ABI2: variants seen among roughly 807,000 people sequenced by gnomAD.
ABI2 encodes the protein abl interactor 2, also known as abelson interactor 2.
Under a neutral mutation model 59.2 loss-of-function variants are expected in ABI2, and 25 were observed. The ratio of observed to expected loss-of-function variants is 0.42; its 90% CI spans 0.31 to 0.59. The LOEUF (loss-of-function observed/expected upper bound fraction) is 0.59. Ranked by LOEUF, ABI2 falls within the 20% of genes least tolerant of loss-of-function variation. The probability of loss-of-function intolerance (pLI) is 0.14; values close to 1 mark genes in which losing one functional copy is unlikely to be tolerated. For missense variants in ABI2, 545 were observed against 681.8 expected (o/e 0.80, Z 2.23); for synonymous variants, 213 against 235.5 (o/e 0.90, Z 0.87).
chr2:203,387,094 C>T (rs775324577), intron 4 of ABI2, among the ~76,000 whole-genome samples: 123 of 104,750 alleles, frequency 1.2e-3, no homozygotes, highest in Admixed American at 1.4e-3. Context: ...TGCCTTTACT[C>T]TTGTACCTAG....
chr2:203,347,435 A>G (rs1413992434), intron 1 of ABI2, among the ~76,000 whole-genome samples: 1 of 152,224 alleles, frequency 6.6e-6, no homozygotes, highest in Non-Finnish European at 1.5e-5. Flanking sequence ...TTGTAATCCC[A>G]TAATGGACAT....
chr2:203,334,810 G>A (rs896305138), intron 1 of ABI2, among the ~76,000 whole-genome samples: 3 of 151,962 alleles, frequency 2.0e-5, no homozygotes, highest in Non-Finnish European at 4.4e-5. Context: ...ACAGGTGCAC[G>A]CCACCACGCC....
At chr2:203,341,169 ACT>A (rs2079682956) in intron 1 of ABI2, among the ~76,000 whole-genome samples, 2 of 151,150 alleles carry the variant, frequency 1.3e-5, no homozygotes, top group African/African-American at 4.9e-5. Context: ...CCCCTTGCTC[ACT>A]CTCCCTTTGC....
intron 10 of ABI2, 138 bp downstream of exon 10, chr2:203,411,509 G>A (rs1322115311): frequency 1.9e-5 from 13 of 682,404 alleles, no homozygotes; most frequent in Non-Finnish European, 3.2e-5. Context: ...CTGGCTAGTG[G>A]AGATAAAATA....
chr2:203,331,348 C>CTTTTTTTTTT lies in ABI2; in HGVS notation c.117+2728_117+2737dup, dbSNP rs201209202. On this transcript the variant is annotated intron_variant, in intron 1 of 11. Transcript: ENST00000261018. ...TCAGTGATCAAATGGTCAATTTAGCCTTTTTTTTTTTTTTTTTTTTCTGAG... is the reference window on the plus strand; with the variant it reads ...TCAGTGATCAAATGGTCAATTTAGCCTTTTTTTTTTTTTTTTTTTTTTTTTTTTTTCTGAG... 2.2e-3 allele frequency among the ~76,000 whole-genome samples: 191 copies of CTTTTTTTTTT among 85,298 alleles called. 5 individuals are homozygous for CTTTTTTTTTT. The highest frequency in any genetic ancestry group is 5.6e-3 in the East Asian group (14 of 2,522). 56.0% of individuals were successfully genotyped at this position (85,298 alleles called of 152,430 possible). A position where few individuals can be genotyped will look rare whatever the true frequency, so the allele number is the denominator to read the frequency against.
intron 1 of ABI2, among the ~76,000 whole-genome samples, chr2:203,366,042 T>C (rs2094405443): frequency 6.6e-6 from 1 of 152,228 alleles, no homozygotes. Context: ...TTTTTCATGT[T>C]CATATGTAAA....
At chr2:203,330,721 G>T (rs2072690502) in intron 1 of ABI2, among the ~76,000 whole-genome samples, 1 of 152,114 alleles carries the variant, frequency 6.6e-6, no homozygotes, top group Non-Finnish European at 1.5e-5. Context: ...TGGAAAAGTG[G>T]ATTGCAATTA....
At position 203,402,571 on chromosome 2, in the gene ABI2, T is replaced by C; in HGVS notation, c.1034-5T>C. The C allele has an allele frequency of 1.4e-6, 2 of 1,475,556 alleles. No individual in the cohort carries two copies. Among genetic ancestry groups the C allele is most frequent in the Non-Finnish European group, 1.8e-6 (2 of 1,112,286 alleles). The allele number at this position is 1,475,556 out of a possible 1,614,324, so 91.4% of individuals were successfully genotyped here. A position where few individuals can be genotyped will look rare whatever the true frequency, so the allele number is the denominator to read the frequency against. The stretch of plus-strand genomic sequence containing the variant: ...TGACATATGTATGTTCTATCTCTTT[T>C]TCAGGTCATCCTGTACAGTTCTACA... On this transcript the variant is annotated splice_region_variant and splice_polypyrimidine_tract_variant and intron_variant, in intron 8 of 11. Coordinates refer to ENST00000261018, the MANE Select transcript of ABI2 (RefSeq NM_001375670.1).
rs1483253782 is a variant in ABI2, at chr2:203,429,900, G to C, written c.*2548G>C. ...TGGGGGCAGTGCAGAAGACACTGGT[G>C]AAGTCCTTTATACTGAAGACCTGTG... On this transcript the variant is annotated 3_prime_UTR_variant, in exon 12 of 12. Transcript: ENST00000261018. The C allele has an allele frequency of 6.6e-6, 1 of 152,208 alleles. No individual in the cohort carries two copies. Among genetic ancestry groups the C allele is most frequent in the Non-Finnish European group, 1.5e-5 (1 of 68,074 alleles). 9.4% of individuals were successfully genotyped at this position (152,208 alleles called of 1,614,324 possible). A position where few individuals can be genotyped will look rare whatever the true frequency, so the allele number is the denominator to read the frequency against.
chr2:203,363,429 C>A (rs576666537), intron 1 of ABI2, among the ~76,000 whole-genome samples: 1 of 152,154 alleles, frequency 6.6e-6, no homozygotes, highest in African/African-American at 2.4e-5. Context: ...ATTAACCATT[C>A]TCACTTACCC....
At chr2:203,331,401 A>G (rs1177632816) in intron 1 of ABI2, among the ~76,000 whole-genome samples, 5 of 114,780 alleles carry the variant, frequency 4.4e-5, no homozygotes, top group South Asian at 6.2e-4. Context: ...CGCCCAGGCT[A>G]GAGTGTAGTG....
chr2:203,385,574 A>G (rs2096469068), intron 4 of ABI2, among the ~76,000 whole-genome samples: 2 of 152,214 alleles, frequency 1.3e-5, no homozygotes, highest in Admixed American at 1.3e-4. Flanking sequence ...TCACTTGAGT[A>G]CTATTTTTAG....
chr2:203,351,808 T>A, intron 1 of ABI2: 1 of 251,176 alleles, frequency 4.0e-6, no homozygotes, highest in South Asian at 4.1e-5. Flanking sequence ...AGTGCTGGTA[T>A]TACAGGAGTG....
At chr2:203,341,838 A>G (rs2080110365) in intron 1 of ABI2, among the ~76,000 whole-genome samples, 1 of 152,210 alleles carries the variant, frequency 6.6e-6, no homozygotes, top group Non-Finnish European at 1.5e-5. Context: ...AACAGAATTG[A>G]CACTAATATT....
intron 4 of ABI2, among the ~76,000 whole-genome samples, chr2:203,387,622 C>G (rs1182485437): frequency 6.6e-6 from 1 of 152,104 alleles, no homozygotes; most frequent in African/African-American, 2.4e-5. Context: ...TCACTTAGCT[C>G]TTGAGGTCTT....
At chr2:203,336,595 G>A (rs987721252) in intron 1 of ABI2, among the ~76,000 whole-genome samples, 2 of 152,194 alleles carry the variant, frequency 1.3e-5, no homozygotes, top group Non-Finnish European at 1.5e-5. Flanking sequence ...CAGGCTGTAA[G>A]ACTTTAGTTG....
At chr2:203,419,942 C>A (rs530916077) in intron 11 of ABI2, among the ~76,000 whole-genome samples, 1 of 152,112 alleles carries the variant, frequency 6.6e-6, no homozygotes, top group Non-Finnish European at 1.5e-5. Flanking sequence ...GAGCTGAGAT[C>A]GCCCCATTGC....
intron 1 of ABI2, 76 bp downstream of exon 1, chr2:203,328,707 G>A: frequency 1.0e-6 from 1 of 976,810 alleles, no homozygotes; most frequent in East Asian, 3.3e-5. Flanking sequence ...GTGGGGCCGA[G>A]GCCGCCTCGG....
intron 1 of ABI2, among the ~76,000 whole-genome samples, chr2:203,358,071 T>TTGTGTGTGTGTGTGTGTGTG (rs71007506): frequency 1.1e-4 from 14 of 128,778 alleles, no homozygotes; most frequent in East Asian, 4.8e-4. Context: ...CCTGGCCTGT[T>TTGTGTGTGTGTGTGTGTGTG]TGTGTGTGTG....
Sources: allele counts gnomAD v4.1 joint callset (sites outside exome capture counted in the v4.1 genomes callset), GRCh38; gene constraint gnomAD v4.1.1; transcripts MANE v1.5; gene names NCBI Gene and HGNC (gene_info 2026-07-23, HGNC 2026-07-21).